RMST: variants seen among roughly 807,000 people sequenced by gnomAD.
The protein encoded by RMST is rhabdomyosarcoma 2 associated transcript.
intron 10 of RMST, among the ~76,000 whole-genome samples, chr12:97,513,872 G>T (rs1879671613): frequency 6.6e-6 from 1 of 152,138 alleles, no homozygotes; most frequent in Non-Finnish European, 1.5e-5. Context: ...AAAGAAAAGG[G>T]TCAGGAGAAA....
chr12:97,539,479 C>A (rs1211996147), intron 11 of RMST, among the ~76,000 whole-genome samples: 1 of 151,556 alleles, frequency 6.6e-6, no homozygotes, highest in Admixed American at 6.6e-5. Flanking sequence ...TTTCTGAGTT[C>A]ACTAAGGCAA....
chr12:97,504,170 G>A (rs1399849321), intron 10 of RMST, among the ~76,000 whole-genome samples: 5 of 152,114 alleles, frequency 3.3e-5, no homozygotes, highest in Non-Finnish European at 7.4e-5. Flanking sequence ...CTGGGAGGCC[G>A]AGACAGGCAG....
At chr12:97,534,814 A>G (rs1881941580) in intron 11 of RMST, among the ~76,000 whole-genome samples, 1 of 151,738 alleles carries the variant, frequency 6.6e-6, no homozygotes, top group South Asian at 2.1e-4. Flanking sequence ...GATATTTTAT[A>G]GACTGCATAT....
At chr12:97,512,360 C>G (rs894534997) in intron 10 of RMST, among the ~76,000 whole-genome samples, 4 of 152,094 alleles carry the variant, frequency 2.6e-5, no homozygotes, top group African/African-American at 9.7e-5. Flanking sequence ...GCTTCCACAG[C>G]GTGTAAGGGG....
chr12:97,554,395 T>C (rs1883545440), intron 11 of RMST, among the ~76,000 whole-genome samples: 2 of 152,048 alleles, frequency 1.3e-5, no homozygotes, highest in African/African-American at 4.8e-5. Flanking sequence ...GTAGTAGAAA[T>C]CAAAAGATGC....
chr12:97,514,116 CA>C (rs1216609050), intron 10 of RMST, among the ~76,000 whole-genome samples: 28 of 152,184 alleles, frequency 1.8e-4, no homozygotes, highest in Admixed American at 1.8e-3. Flanking sequence ...ACTGGAAGTA[CA>C]GGGGCAAGAG....
intron 8 of RMST, chr12:97,494,670 T>A (rs565227338): frequency 2.0e-5 from 3 of 152,180 alleles, no homozygotes; most frequent in Admixed American, 2.0e-4. Flanking sequence ...AATTCTTACT[T>A]TTTTTTCTTA....
chr12:97,555,484 G>C (rs1256295130), intron 11 of RMST, among the ~76,000 whole-genome samples: 2 of 152,168 alleles, frequency 1.3e-5, no homozygotes, highest in African/African-American at 2.4e-5. Flanking sequence ...TAAATAAATA[G>C]CAGTTAAAAG....
At chr12:97,537,301 T>C (rs1484709951) in intron 11 of RMST, among the ~76,000 whole-genome samples, 1 of 151,354 alleles carries the variant, frequency 6.6e-6, no homozygotes, top group Non-Finnish European at 1.5e-5. Flanking sequence ...TAGGCAGATG[T>C]GAATCAACTT....
At chr12:97,542,544 C>T (rs893215655) in intron 11 of RMST, among the ~76,000 whole-genome samples, 1 of 151,844 alleles carries the variant, frequency 6.6e-6, no homozygotes, top group African/African-American at 2.4e-5. Flanking sequence ...GCCTGATGAA[C>T]ACCTCCACTG....
intron 5 of RMST, among the ~76,000 whole-genome samples, chr12:97,481,768 A>C (rs897194637): frequency 2.0e-5 from 3 of 152,324 alleles, no homozygotes; most frequent in South Asian, 2.1e-4. Context: ...TGTTTTGGCC[A>C]GATTCTTTTT....
chr12:97,483,340 T>G (rs1257747296), intron 5 of RMST: 1 of 152,196 alleles, frequency 6.6e-6, no homozygotes, highest in Non-Finnish European at 1.5e-5. Flanking sequence ...GTGCTTTAAA[T>G]CTGTTCAGTT....
chr12:97,507,506 T>C (rs912270202), intron 10 of RMST, among the ~76,000 whole-genome samples: 6 of 152,132 alleles, frequency 3.9e-5, no homozygotes, highest in Admixed American at 1.3e-4. Flanking sequence ...TTGAATGAGA[T>C]GGAGCAGAGA....
intron 6 of RMST, chr12:97,493,018 A>C (rs576739542): frequency 6.6e-6 from 1 of 152,398 alleles, no homozygotes; most frequent in South Asian, 2.1e-4. Flanking sequence ...AGATGTTCAC[A>C]TCACCTTTAA....
chr12:97,525,343 G>A (rs1490177083), intron 10 of RMST, among the ~76,000 whole-genome samples: 1 of 152,148 alleles, frequency 6.6e-6, no homozygotes, highest in Admixed American at 6.5e-5. Flanking sequence ...AATGCTGTGT[G>A]TACTGCTGAT....
intron 11 of RMST, among the ~76,000 whole-genome samples, chr12:97,560,105 T>TA (rs1884014484): frequency 6.6e-6 from 1 of 152,164 alleles, no homozygotes; most frequent in South Asian, 2.1e-4. Context: ...CATGAAGACT[T>TA]AATAATTATC....
At chr12:97,534,111 T>C (rs1348208400) in intron 11 of RMST, among the ~76,000 whole-genome samples, 1 of 151,812 alleles carries the variant, frequency 6.6e-6, no homozygotes, top group African/African-American at 2.4e-5. Context: ...TAATTCTTAA[T>C]TGTGGGACAA....
intron 10 of RMST, among the ~76,000 whole-genome samples, chr12:97,525,531 C>T (rs1426733330): frequency 6.6e-6 from 1 of 152,108 alleles, no homozygotes; most frequent in African/African-American, 2.4e-5. Flanking sequence ...ATTTATACAA[C>T]CTCAAAGGAT....
chr12:97,528,047 C>T lies in RMST; in HGVS notation n.1341-2608C>T, dbSNP rs143896926. Among the ~76,000 whole-genome samples, 4 of 152,152 alleles carry T rather than the reference C, an allele frequency of 2.6e-5. No homozygotes were observed. The East Asian group carries it at 7.7e-4, about 29-fold the overall frequency. ...ACATTAACTGGTTTAATATTAAGCA[C>T]CTGTGAGGTAAGTATTACAATTATT... On this transcript the variant is annotated intron_variant and non_coding_transcript_variant, in intron 10 of 13. Coordinates refer to ENST00000640149, the Ensembl canonical transcript of RMST.
Sources: gnomAD v4.1 joint callset for allele counts (sites outside exome capture counted in the v4.1 genomes callset) on GRCh38, gnomAD v4.1.1 for gene constraint, MANE v1.5 for transcripts, NCBI Gene and HGNC (gene_info 2026-07-23, HGNC 2026-07-21) for gene names.